Variants in PKNOX1 observed in about 807,000 individuals in gnomAD.
PKNOX1 encodes PBX/knotted 1 homeobox 1.
In PKNOX1, 15 loss-of-function variants were observed where a neutral mutation model predicts 51.9. The ratio of observed to expected loss-of-function variants is 0.29; its 90% CI spans 0.19 to 0.45. PKNOX1 has a LOEUF of 0.45. Ranked by LOEUF, PKNOX1 falls within the 20% of genes least tolerant of loss-of-function variation. The probability of loss-of-function intolerance (pLI) is 1.00; values close to 1 mark genes in which losing one functional copy is unlikely to be tolerated. For missense variants in PKNOX1, 462 were observed against 547.5 expected, an observed-to-expected ratio of 0.84 and a Z score of 1.56; for synonymous variants, 219 against 211.1, an observed-to-expected ratio of 1.04 and a Z score of -0.32.
intron 4 of PKNOX1, 31 bp downstream of exon 4, chr21:43,010,255 C>T: frequency 7.8e-7 from 1 of 1,273,908 alleles, no homozygotes; most frequent in Non-Finnish European, 1.1e-6. Context: ...TTTTAGTTTT[C>T]AAAATGTGAA....
At chr21:42,998,968 A>T (rs1978626911) in intron 1 of PKNOX1, among the ~76,000 whole-genome samples, 1 of 151,978 alleles carries the variant, frequency 6.6e-6, no homozygotes, top group African/African-American at 2.4e-5. Flanking sequence ...CCCAGTAGGG[A>T]CTCTGTGTGA....
intron 5 of PKNOX1, among the ~76,000 whole-genome samples, chr21:43,013,499 C>T (rs555737693): frequency 6.6e-6 from 1 of 152,160 alleles, no homozygotes; most frequent in Non-Finnish European, 1.5e-5. Context: ...TTTATTTCTT[C>T]TGAAAATATT....
At chr21:43,005,445 G>A (rs1413534032) in intron 2 of PKNOX1, among the ~76,000 whole-genome samples, 1 of 149,464 alleles carries the variant, frequency 6.7e-6, no homozygotes, top group Non-Finnish European at 1.5e-5. Context: ...TTTTTTCTCT[G>A]TATAGCAATT....
intron 5 of PKNOX1, 106 bp downstream of exon 5, chr21:43,013,344 C>A: frequency 1.2e-6 from 1 of 861,002 alleles, no homozygotes; most frequent in South Asian, 2.2e-5. Context: ...ATCTTTATGA[C>A]TTTCTACAAG....
rs1282869894 is a variant in PKNOX1, at chr21:43,021,189, G to T, written c.721-114G>T. 11 of 822,988 alleles carry T rather than the reference G, an allele frequency of 1.3e-5. No homozygotes were observed. Among genetic ancestry groups the T allele is most frequent in the Non-Finnish European group, 2.1e-5 (11 of 530,110 alleles). The allele number at this position is 822,988 out of a possible 1,614,324, so 51.0% of individuals were successfully genotyped here. A position where few individuals can be genotyped will look rare whatever the true frequency, so the allele number is the denominator to read the frequency against. On this transcript the variant is annotated intron_variant, in intron 7 of 10. Coordinates refer to ENST00000291547, the MANE Select transcript of PKNOX1 (RefSeq NM_004571.5). The surrounding 1 kb of genome is among the most constrained non-coding windows in gnomAD (Gnocchi z 4.6). ...CACAGGGTTCCCGTGCATGGGCCTCGACTACAATCATTTCCCTGTCCGATC... is the reference window on the plus strand; with the variant it reads ...CACAGGGTTCCCGTGCATGGGCCTCTACTACAATCATTTCCCTGTCCGATC...
At position 42,976,343 on chromosome 21, in the gene PKNOX1, T is replaced by C. The variant is rs74351682; in HGVS notation, c.-57+1679T>C. 3.9e-3 allele frequency among the ~76,000 whole-genome samples: 597 copies of C among 152,342 alleles called. 6 individuals are homozygous for C. Among genetic ancestry groups the C allele is most frequent in the Non-Finnish European group, 5.9e-3 (399 of 68,034 alleles). On this transcript the variant is annotated intron_variant, in intron 1 of 10. Coordinates refer to ENST00000291547, the MANE Select transcript of PKNOX1 (RefSeq NM_004571.5). Reference sequence around the variant, plus strand: ...AGTGAGTCCTGCTTGTTTTATACTTTGACAATCTGGCCTCAGTGTGGATGG... The same window carrying C: ...AGTGAGTCCTGCTTGTTTTATACTTCGACAATCTGGCCTCAGTGTGGATGG...
intron 4 of PKNOX1, among the ~76,000 whole-genome samples, chr21:43,011,540 C>G (rs1370175353): frequency 6.6e-6 from 1 of 152,178 alleles, no homozygotes; most frequent in African/African-American, 2.4e-5. Flanking sequence ...GCACTGTCAG[C>G]TTTGGGCAGA....
At chr21:42,988,492 G>T (rs1245666837) in intron 1 of PKNOX1, among the ~76,000 whole-genome samples, 4 of 152,170 alleles carry the variant, frequency 2.6e-5, no homozygotes, top group African/African-American at 7.2e-5. Flanking sequence ...GCTGTGATTG[G>T]TATACAGTAT....
chr21:43,024,836 C>T (rs771261316), intron 8 of PKNOX1, 35 bp from the exon 9 acceptor site: 69 of 1,345,402 alleles, frequency 5.1e-5, no homozygotes, highest in Non-Finnish European at 7.0e-5. Context: ...TTTGTAAACT[C>T]GAAGGCCATG....
intron 9 of PKNOX1, among the ~76,000 whole-genome samples, chr21:43,025,164 G>A (rs1979936674): frequency 6.6e-6 from 1 of 152,168 alleles, no homozygotes; most frequent in South Asian, 2.1e-4. Context: ...TGGGATCATG[G>A]GTGTGAGTCA....
At chr21:43,024,830 TA>T in intron 8 of PKNOX1, 40 bp from the exon 9 acceptor site, 1 of 1,293,974 alleles carries the variant, frequency 7.7e-7, no homozygotes, top group Non-Finnish European at 1.1e-6. Flanking sequence ...ATTTCCTTTG[TA>T]AACTCGAAGG....
At chr21:43,005,225 C>T (rs1978933746) in intron 2 of PKNOX1, among the ~76,000 whole-genome samples, 1 of 152,146 alleles carries the variant, frequency 6.6e-6, no homozygotes, top group Admixed American at 6.5e-5. Flanking sequence ...TGCAGTACAC[C>T]CCCCTCGGCT....
chr21:42,985,328 TTTTGTTTGTTTG>T (rs374868621), intron 1 of PKNOX1, among the ~76,000 whole-genome samples: 5 of 151,932 alleles, frequency 3.3e-5, no homozygotes, highest in Non-Finnish European at 5.9e-5. Flanking sequence ...GTTTTTTGGT[TTTTGTTTGTTTG>T]TTTGTTTGTT....
At position 43,029,961 on chromosome 21, in the gene PKNOX1, G is replaced by T; in HGVS notation, c.1171G>T (p.Ala391Ser). ...CCTTCAGTCTCTGTCCTCGGACGGGGCCACCCTGGCGGTGCAGCAGGTCAT... is the reference window on the plus strand; with the variant it reads ...CCTTCAGTCTCTGTCCTCGGACGGGTCCACCCTGGCGGTGCAGCAGGTCAT... Reference protein sequence around the residue: ...DSLQSLSSDGATLAVQQVMMA... With the variant: ...DSLQSLSSDGSTLAVQQVMMA... Residue 391 changes from alanine to serine, a missense_variant, in exon 11 of 11, where the codon GCC (alanine) becomes TCC (serine). Ala to Ser is a moderately conservative substitution (Grantham distance 99). Around this residue, in one of 5 missense-constraint regions of PKNOX1, gnomAD observed 118 missense variants for 116.8 expected, o/e 1.01. Transcript: ENST00000291547. 1 of 1,614,148 alleles carries T rather than the reference G, an allele frequency of 6.2e-7. No homozygotes were observed. The highest frequency in any genetic ancestry group is 8.5e-7 in the Non-Finnish European group (1 of 1,180,034).
At chr21:42,990,569 C>T (rs1356132200) in intron 1 of PKNOX1, among the ~76,000 whole-genome samples, 1 of 152,140 alleles carries the variant, frequency 6.6e-6, no homozygotes, top group Non-Finnish European at 1.5e-5. Context: ...TAGTACTGAT[C>T]ATGGAACTCT....
At chr21:43,024,640 TG>T (rs566379485) in intron 8 of PKNOX1, 2 of 486,236 alleles carry the variant, frequency 4.1e-6, no homozygotes, top group Admixed American at 3.7e-5. Context: ...CCGTTAAACG[TG>T]GGGGGCGGTC....
chr21:42,987,524 A>G (rs2059060604), intron 1 of PKNOX1, among the ~76,000 whole-genome samples: 1 of 150,270 alleles, frequency 6.7e-6, no homozygotes, highest in Admixed American at 6.7e-5. Flanking sequence ...TTGAACAGCT[A>G]TAATTTTGGT....
chr21:43,006,557 G>A (rs1377312855), intron 2 of PKNOX1, among the ~76,000 whole-genome samples: 2 of 152,054 alleles, frequency 1.3e-5, no homozygotes, highest in African/African-American at 4.8e-5. Context: ...ACCATTTAAA[G>A]GCAGCAGAAT....
At chr21:42,994,151 CT>C (rs1978379985) in intron 1 of PKNOX1, among the ~76,000 whole-genome samples, 1 of 146,990 alleles carries the variant, frequency 6.8e-6, no homozygotes, top group Non-Finnish European at 1.5e-5. Flanking sequence ...AGTGATCCCC[CT>C]GCCTCAGCCT....
Sources: allele counts gnomAD v4.1 joint callset (sites outside exome capture counted in the v4.1 genomes callset), GRCh38; gene constraint gnomAD v4.1.1; regional missense constraint gnomAD v4.1.1; non-coding constraint Gnocchi (gnomAD v3.1); transcripts MANE v1.5; gene names NCBI Gene and HGNC (gene_info 2026-07-23, HGNC 2026-07-21).